Variants in IPO11 observed in about 807,000 individuals in gnomAD.
IPO11 encodes the protein importin-11.
In IPO11, 66 loss-of-function variants were observed where a neutral mutation model predicts 143.2. The observed-to-expected ratio is 0.46, with a 90% CI of 0.38 to 0.57. The LOEUF is 0.57. IPO11 is among the 20% of genes least tolerant of loss of function. The pLI is 0.00. For missense variants in IPO11, 1,026 were observed against 1,141.0 expected, an observed-to-expected ratio of 0.90 and a Z score of 1.45; for synonymous variants, 385 against 377.8, an observed-to-expected ratio of 1.02 and a Z score of -0.22.
chr5:62,437,485 C>CTAGGGTTTTAAAA, intron 2 of IPO11, 68 bp downstream of exon 2: 1 of 1,389,032 alleles, frequency 7.2e-7, no homozygotes, highest in Non-Finnish European at 9.8e-7. Flanking sequence ...TGTTTTAAAA[C>CTAGGGTTTTAAAA]CCTAGTTTTA....
chr5:62,617,357 G>A (rs1007932378), intron 29 of IPO11, among the ~76,000 whole-genome samples: 2 of 152,188 alleles, frequency 1.3e-5, no homozygotes, highest in Non-Finnish European at 2.9e-5. Context: ...TAGGAACAAT[G>A]TATTAATTCA....
Position 62,443,055 on chromosome 5 carries a change from G to C in IPO11, c.211G>C (p.Asp71His). 6.2e-7 allele frequency: 1 copy of C among 1,611,434 alleles called. No homozygotes were observed. The highest frequency in any genetic ancestry group is 8.5e-7 in the Non-Finnish European group (1 of 1,178,412). ...TGTACTGTATTTTAAACATGGAATT[G>C]ATCGCTACTGGAGACGTGTAGCACC... is the stretch of plus-strand genomic sequence containing the variant. ...LAVLYFKHGI[D>H]RYWRRVAPHA... The change falls in exon 3 of 30, where the codon GAT (aspartate) becomes CAT (histidine). Residue 71 changes from aspartate to histidine, a missense_variant. This residue lies in a region of IPO11 where 429 missense variants were observed against 456.3 expected (regional missense o/e 0.94). Coordinates refer to ENST00000325324, the MANE Select transcript of IPO11 (RefSeq NM_016338.5).
intron 1 of IPO11, among the ~76,000 whole-genome samples, chr5:62,416,678 T>C (rs1410656189): frequency 6.6e-6 from 1 of 152,068 alleles, no homozygotes; most frequent in African/African-American, 2.4e-5. Flanking sequence ...TAGTACTAAC[T>C]TAACAAGGAT....
chr5:62,426,888 A>G (rs1315130336), intron 1 of IPO11, among the ~76,000 whole-genome samples: 1 of 148,044 alleles, frequency 6.8e-6, no homozygotes, highest in Non-Finnish European at 1.5e-5. Context: ...TGGTTTAGGC[A>G]GGTTTAAACT....
chr5:62,582,267 G>C (rs1401256165), intron 27 of IPO11, among the ~76,000 whole-genome samples: 1 of 152,180 alleles, frequency 6.6e-6, no homozygotes, highest in Non-Finnish European at 1.5e-5. Flanking sequence ...TAGAGGCCTG[G>C]GCCAGGATAC....
intron 22 of IPO11, among the ~76,000 whole-genome samples, chr5:62,531,643 A>G (rs747436065): frequency 5.9e-5 from 9 of 152,196 alleles, no homozygotes; most frequent in Non-Finnish European, 1.2e-4. Flanking sequence ...TGAATGACAC[A>G]CTGGAAAAAA....
At chr5:62,471,704 A>T (rs1332811405) in intron 7 of IPO11, among the ~76,000 whole-genome samples, 1 of 152,236 alleles carries the variant, frequency 6.6e-6, no homozygotes, top group African/African-American at 2.4e-5. Flanking sequence ...TGTTATTTTT[A>T]AAATGATTGT....
At chr5:62,620,845 G>C (rs1746333432) in intron 29 of IPO11, among the ~76,000 whole-genome samples, 2 of 152,212 alleles carry the variant, frequency 1.3e-5, no homozygotes, top group South Asian at 4.1e-4. Flanking sequence ...AGTCTTTCAG[G>C]TTAAATTTTA....
At chr5:62,507,119 A>G (rs149789614) in intron 19 of IPO11, among the ~76,000 whole-genome samples, 1 of 152,206 alleles carries the variant, frequency 6.6e-6, no homozygotes, top group East Asian at 1.9e-4. Context: ...CATGCTTTGC[A>G]TATATTTCTC....
At chr5:62,586,765 AAAAATATATAT>A (rs1174583975) in intron 27 of IPO11, among the ~76,000 whole-genome samples, 29 of 89,978 alleles carry the variant, frequency 3.2e-4, no homozygotes, top group African/African-American at 1.2e-3. Flanking sequence ...AAAAAAAAAA[AAAAATATATAT>A]ATATATATAT....
Position 62,456,243 on chromosome 5 carries a change from C to G in IPO11, c.516+4310C>G, listed in dbSNP as rs116553926. Among the ~76,000 whole-genome samples, 1,271 of 151,730 alleles carry G rather than the reference C, an allele frequency of 8.4e-3. 23 individuals carry two copies. The highest frequency in any genetic ancestry group is 0.03 in the African/African-American group (1,232 of 41,324). On this transcript the variant is annotated intron_variant, in intron 5 of 29. Transcript: ENST00000325324. Reference sequence around the variant, plus strand: ...GCCAGGCTGGTCTCCAACTCCTGACCTCAGGTGATCCACTCTCCCATAATG... The same window carrying G: ...GCCAGGCTGGTCTCCAACTCCTGACGTCAGGTGATCCACTCTCCCATAATG...
chr5:62,616,064 G>A (rs1746119950), intron 29 of IPO11, among the ~76,000 whole-genome samples: 1 of 135,608 alleles, frequency 7.4e-6, no homozygotes, highest in African/African-American at 2.6e-5. Context: ...GGGAGGTGGG[G>A]GAGGAAGGGG....
In IPO11 at chr5:62,627,307, C is replaced by G; in HGVS notation, c.2917C>G (p.Gln973Glu). 1 of 1,613,312 alleles carries G rather than the reference C, an allele frequency of 6.2e-7. No individual in the cohort carries two copies. The highest frequency in any genetic ancestry group is 8.5e-7 in the Non-Finnish European group (1 of 1,179,500). ...EIVTQLQEFLQGF is the reference protein window; with the variant it reads ...EIVTQLQEFLEGF The stretch of plus-strand genomic sequence containing the variant: ...TGTCACCCAGCTACAGGAGTTTTTG[C>G]AAGGATTCTAAGAGCACATGACATG... Residue 973 changes from glutamine to glutamate, a missense_variant, in exon 30 of 30, where the codon CAA (glutamine) becomes GAA (glutamate). Around this residue, in one of 5 missense-constraint regions of IPO11, gnomAD observed 351 missense variants for 358.9 expected, o/e 0.98. Transcript: ENST00000325324.
chr5:62,580,731 G>A (rs1580348541), intron 27 of IPO11: 1 of 1,551,416 alleles, frequency 6.4e-7, no homozygotes, highest in Non-Finnish European at 8.7e-7. Context: ...CTGCGCTAAT[G>A]ATGGCCTGGC....
chr5:62,488,926 G>A (rs966208598), intron 13 of IPO11, among the ~76,000 whole-genome samples: 2 of 152,130 alleles, frequency 1.3e-5, no homozygotes, highest in African/African-American at 2.4e-5. Flanking sequence ...TCATTTGAGC[G>A]CAGGAGGATG....
chr5:62,544,200 C>T (rs1743067162), intron 24 of IPO11, among the ~76,000 whole-genome samples: 2 of 151,134 alleles, frequency 1.3e-5, no homozygotes, highest in African/African-American at 4.8e-5. Context: ...TGCAAAAATC[C>T]TCAATAAAAT....
chr5:62,516,867 C>G (rs951875200), intron 20 of IPO11, among the ~76,000 whole-genome samples: 64 of 151,108 alleles, frequency 4.2e-4, no homozygotes, highest in African/African-American at 1.5e-3. Context: ...TATCATTAAA[C>G]AAAAACTCCA....
At chr5:62,463,881 T>G (rs1580208737) in intron 5 of IPO11, among the ~76,000 whole-genome samples, 1 of 151,682 alleles carries the variant, frequency 6.6e-6, no homozygotes, top group Non-Finnish European at 1.5e-5. Context: ...TGGAGAGCAG[T>G]GGGGTGATCT....
rs75596023 is a variant in IPO11 at position 62,579,250 on chromosome 5, A to G, written c.2583-12327A>G. On this transcript the variant is annotated intron_variant, in intron 27 of 29. Coordinates refer to ENST00000325324, the MANE Select transcript of IPO11 (RefSeq NM_016338.5). ...TTAATAATTCTAGAACGTATTCCAT[A>G]CTCATTATTTTTTGCTATTACCATG... Among the ~76,000 whole-genome samples the G allele has an allele frequency of 5.0e-3, 766 of 152,080 alleles. 7 individuals carry two copies. The highest frequency in any genetic ancestry group is 0.017 in the African/African-American group (722 of 41,498).
Sources: gnomAD v4.1 joint callset for allele counts (sites outside exome capture counted in the v4.1 genomes callset) on GRCh38, gnomAD v4.1.1 for gene constraint, gnomAD v4.1.1 regional missense constraint, MANE v1.5 for transcripts, NCBI Gene and HGNC (gene_info 2026-07-23, HGNC 2026-07-21) for gene names.